Variants in CCDC68 observed in about 807,000 individuals in gnomAD.
CCDC68 encodes the protein coiled-coil domain-containing protein 68.
Under a neutral mutation model 47.1 loss-of-function variants are expected in CCDC68, and 45 were observed. The ratio of observed to expected loss-of-function variants is 0.96; its 90% confidence interval spans 0.75 to 1.23. CCDC68 has a LOEUF of 1.23. Ranked by LOEUF, CCDC68 falls within the 50% of genes most tolerant of loss-of-function variation. CCDC68 has a pLI of 0.00. For synonymous variants in CCDC68, 131 were observed against 129.5 expected (o/e 1.01, Z -0.08); for missense variants, 353 against 373.6 (o/e 0.94, Z 0.45).
intron 1 of CCDC68, among the ~76,000 whole-genome samples, chr18:54,956,432 C>T (rs1477698528): frequency 6.6e-6 from 1 of 152,214 alleles, no homozygotes; most frequent in Non-Finnish European, 1.5e-5. Flanking sequence ...AAGAGGTTGG[C>T]TCATATCAGT....
At chr18:54,906,304 C>T (rs1436817209) in intron 11 of CCDC68, among the ~76,000 whole-genome samples, 1 of 152,002 alleles carries the variant, frequency 6.6e-6, no homozygotes, top group Non-Finnish European at 1.5e-5. Context: ...GGAAATTTCC[C>T]CCATTTGGCC....
At chr18:54,942,202 C>T (rs776252647) in intron 3 of CCDC68, among the ~76,000 whole-genome samples, 2 of 152,182 alleles carry the variant, frequency 1.3e-5, no homozygotes, top group Non-Finnish European at 2.9e-5. Flanking sequence ...TAAGACTTCA[C>T]ATGTTTAATG....
chr18:54,928,706 T>C (rs1599055586), intron 8 of CCDC68, 94 bp downstream of exon 8: 1 of 757,378 alleles, frequency 1.3e-6, no homozygotes, highest in Non-Finnish European at 2.3e-6. Flanking sequence ...CCTATTTCTT[T>C]GGGGGACAGA....
chr18:54,926,111 T>C (rs1213141102), intron 8 of CCDC68, among the ~76,000 whole-genome samples: 1 of 152,312 alleles, frequency 6.6e-6, no homozygotes, highest in East Asian at 1.9e-4. Context: ...CTAAGGAGTT[T>C]CCATTCCTAA....
intron 8 of CCDC68, among the ~76,000 whole-genome samples, chr18:54,927,107 CAA>C (rs1028335386): frequency 2.0e-5 from 3 of 152,094 alleles, no homozygotes; most frequent in African/African-American, 7.2e-5. Flanking sequence ...TTATTTCAAC[CAA>C]AAGAGTCTGA....
chr18:54,917,541 T>A lies in CCDC68; in HGVS notation c.873+372A>T, dbSNP rs141573603. On this transcript the variant is annotated intron_variant, in intron 10 of 11. Coordinates refer to ENST00000591504, the MANE Select transcript of CCDC68 (RefSeq NM_025214.3). ...TAATATGTAACAAAAATGCTAATAATTTAATAACAATACAATCTTTTAAAC... is the reference window on the plus strand; with the variant it reads ...TAATATGTAACAAAAATGCTAATAAATTAATAACAATACAATCTTTTAAAC... Among the ~76,000 whole-genome samples, 59 of 152,280 alleles carry A rather than the reference T, an allele frequency of 3.9e-4. 1 individual carries two copies. In the East Asian group the frequency reaches 0.011, roughly 28 times the overall value.
chr18:54,934,982 T>C, intron 6 of CCDC68, 34 bp from the exon 7 acceptor site: 1 of 1,501,700 alleles, frequency 6.7e-7, no homozygotes, highest in Non-Finnish European at 8.8e-7. Context: ...TTGTGAAAAC[T>C]CTGTTTTTCT....
intron 1 of CCDC68, among the ~76,000 whole-genome samples, chr18:54,946,897 C>A (rs113721307): frequency 7.1e-4 from 106 of 149,828 alleles, no homozygotes; most frequent in African/African-American, 2.6e-3. Flanking sequence ...AATAGTGTTG[C>A]CCTGTTATTT....
intron 8 of CCDC68, among the ~76,000 whole-genome samples, chr18:54,925,833 G>C (rs543355292): frequency 1.9e-4 from 29 of 152,312 alleles, no homozygotes; most frequent in Non-Finnish European, 8.8e-5. Flanking sequence ...CACAAGAAGA[G>C]AAGAGGTCAG....
chr18:54,959,388 G>T lies in CCDC68; in HGVS notation c.-155C>A, dbSNP rs551033716. 2 of 152,002 alleles carry T rather than the reference G, an allele frequency of 1.3e-5. No homozygotes were observed. Among genetic ancestry groups the T allele is most frequent in the Non-Finnish European group, 2.9e-5 (2 of 68,028 alleles). The allele number at this position is 152,002 out of a possible 1,614,324, so 9.4% of individuals were successfully genotyped here. A position where few individuals can be genotyped will look rare whatever the true frequency, so the allele number is the denominator to read the frequency against. On this transcript the variant is annotated 5_prime_UTR_variant, in exon 1 of 12. Transcript: ENST00000591504. ...TCCCGGTGCTGCTCCTCCCCTGGGCGATCGGACCTTGGGGCCAGGGTCGGC... is the reference window on the plus strand; with the variant it reads ...TCCCGGTGCTGCTCCTCCCCTGGGCTATCGGACCTTGGGGCCAGGGTCGGC...
chr18:54,952,182 T>C (rs1295010617), intron 1 of CCDC68, among the ~76,000 whole-genome samples: 1 of 152,182 alleles, frequency 6.6e-6, no homozygotes, highest in East Asian at 1.9e-4. Flanking sequence ...ACTTCTCTAT[T>C]AACAAGTCAA....
At position 54,942,283 on chromosome 18, in the gene CCDC68, G is replaced by A. The variant is rs182363424; in HGVS notation, c.117+392C>T. ...TGTGAAAAGGAACAAGGTAACGAGA[G>A]GCACCAACTCAGCAGGAAATGTAAA... On this transcript the variant is annotated intron_variant, in intron 3 of 11. Coordinates refer to ENST00000591504, the MANE Select transcript of CCDC68 (RefSeq NM_025214.3). 2.1e-3 allele frequency among the ~76,000 whole-genome samples: 324 copies of A among 152,302 alleles called. 1 individual carries two copies. The highest frequency in any genetic ancestry group is 6.8e-3 in the Middle Eastern group (2 of 294).
Position 54,907,828 on chromosome 18 carries a change from G to C in CCDC68, c.908C>G (p.Ser303Cys), listed in dbSNP as rs150354176. 6.8e-5 allele frequency: 110 copies of C among 1,608,866 alleles called. No homozygotes were observed. The highest frequency in any genetic ancestry group is 9.0e-5 in the Non-Finnish European group (106 of 1,175,406). ...AGATACCTTTGTCCTAGGAGTTTCA[G>C]ATGAAAGTGCTACCTGGGTTTTTAG... ...KELKTQVALS[S>C]ETPRTKVSKA... is the part of the protein sequence containing the mutation. Residue 303 changes from serine to cysteine, a missense_variant, in exon 11 of 12, where the codon TCT (serine) becomes TGT (cysteine). Ser to Cys is a moderately radical substitution (Grantham distance 112). Transcript: ENST00000591504.
At chr18:54,939,324 G>A (rs926494692) in intron 4 of CCDC68, among the ~76,000 whole-genome samples, 1 of 152,008 alleles carries the variant, frequency 6.6e-6, no homozygotes, top group Admixed American at 6.6e-5. Context: ...TATCAGCAGT[G>A]GTAGATGGCT....
chr18:54,906,947 T>TTCC (rs1914046248), intron 11 of CCDC68, among the ~76,000 whole-genome samples: 1 of 152,200 alleles, frequency 6.6e-6, no homozygotes, highest in Non-Finnish European at 1.5e-5. Flanking sequence ...TCTTCCTGAA[T>TTCC]TCCTAGACTG....
At chr18:54,909,866 TC>T (rs755538436) in intron 10 of CCDC68, among the ~76,000 whole-genome samples, 50 of 152,210 alleles carry the variant, frequency 3.3e-4, no homozygotes, top group Non-Finnish European at 6.2e-4. Flanking sequence ...CTCAGGGAGC[TC>T]CCAGGTCTGG....
rs994670303 is a variant in CCDC68 at position 54,950,788 on chromosome 18, G to GTGTATATATATATATA, written c.-102-5312_-102-5311insTATATATATATATACA. The stretch of plus-strand genomic sequence containing the variant: ...CTGTGTTATTGTTATTATCTTCAGT[G>GTGTATATATATATATA]TATATATATATATATGATGCAATAA... On this transcript the variant is annotated intron_variant, in intron 1 of 11. Coordinates refer to ENST00000591504, the MANE Select transcript of CCDC68 (RefSeq NM_025214.3). Among the ~76,000 whole-genome samples the GTGTATATATATATATA allele has an allele frequency of 1.6e-4, 16 of 97,336 alleles. 1 individual carries two copies. Among genetic ancestry groups the GTGTATATATATATATA allele is most frequent in the African/African-American group, 5.8e-4 (15 of 25,742 alleles). 63.9% of individuals were successfully genotyped at this position (97,336 alleles called of 152,430 possible).
intron 10 of CCDC68, among the ~76,000 whole-genome samples, chr18:54,915,589 T>C (rs943691815): frequency 2.6e-5 from 4 of 152,194 alleles, no homozygotes; most frequent in African/African-American, 7.2e-5. Context: ...TGCTTATCCA[T>C]ATGTCCCAAC....
chr18:54,942,050 G>A (rs775216770), intron 3 of CCDC68, among the ~76,000 whole-genome samples: 3 of 152,010 alleles, frequency 2.0e-5, no homozygotes, highest in South Asian at 4.2e-4. Context: ...CACCTGCCTC[G>A]GCCTCCCAAA....
Sources: allele counts gnomAD v4.1 joint callset (sites outside exome capture counted in the v4.1 genomes callset), GRCh38; gene constraint gnomAD v4.1.1; transcripts MANE v1.5; gene names NCBI Gene and HGNC (gene_info 2026-07-23, HGNC 2026-07-21).